CHL1: variants seen among roughly 807,000 people sequenced by gnomAD.
CHL1 encodes cell adhesion molecule L1 like, also known as neural cell adhesion molecule L1-like protein.
Under a neutral mutation model 141.9 loss-of-function variants are expected in CHL1, and 96 were observed. That is an observed-to-expected ratio of 0.68 (90% confidence interval 0.57 to 0.80). The LOEUF (loss-of-function observed/expected upper bound fraction) is 0.80, where lower values mean the gene tolerates loss of function less well. CHL1 is among the 30% of genes least tolerant of loss of function. CHL1 has a pLI of 0.00. For missense variants in CHL1, 1,820 were observed against 1,457.2 expected (o/e 1.25, Z -4.05); for synonymous variants, 613 against 502.2 (o/e 1.22, Z -2.95).
At chr3:327,082 G>A (rs1559259718) in intron 4 of CHL1, among the ~76,000 whole-genome samples, 1 of 151,700 alleles carries the variant, frequency 6.6e-6, no homozygotes, top group South Asian at 2.1e-4. Context: ...ATGTCAAAAG[G>A]TAATACCATA....
intron 5 of CHL1, among the ~76,000 whole-genome samples, chr3:332,415 T>TG (rs1334726691): frequency 2.0e-5 from 3 of 152,008 alleles, no homozygotes; most frequent in Admixed American, 6.6e-5. Context: ...AATTGGAAAA[T>TG]GGAAGTGGGG....
intron 1 of CHL1, among the ~76,000 whole-genome samples, chr3:209,402 G>A (rs952707997): frequency 6.6e-6 from 1 of 152,110 alleles, no homozygotes; most frequent in Admixed American, 6.5e-5. Flanking sequence ...GACTATATGG[G>A]TGATCTTGAG....
At chr3:383,954 C>CATTGTAGT in intron 19 of CHL1, 68 bp downstream of exon 19, 8 of 1,009,776 alleles carry the variant, frequency 7.9e-6, no homozygotes, top group Non-Finnish European at 1.2e-5. Context: ...TGCATGCTAA[C>CATTGTAGT]TACAATGATA....
intron 15 of CHL1, among the ~76,000 whole-genome samples, chr3:376,087 G>A (rs1410572467): frequency 6.6e-6 from 1 of 152,194 alleles, no homozygotes; most frequent in Non-Finnish European, 1.5e-5. Context: ...GAGGTTTTTA[G>A]CTTCTTCTAA....
intron 2 of CHL1, among the ~76,000 whole-genome samples, chr3:258,531 C>G (rs1361993511): frequency 3.9e-5 from 6 of 152,218 alleles, no homozygotes; most frequent in Non-Finnish European, 8.8e-5. Flanking sequence ...AAACCCTGTT[C>G]TATTACTTTC....
chr3:405,426 G>C (rs1366833423), intron 27 of CHL1, 69 bp from the exon 28 acceptor site: 4 of 1,031,566 alleles, frequency 3.9e-6, no homozygotes, highest in Non-Finnish European at 6.0e-6. Context: ...TATCACTTAT[G>C]ACTGTGTTGC....
chr3:341,368 T>G (rs1355761490), intron 6 of CHL1, among the ~76,000 whole-genome samples: 1 of 152,172 alleles, frequency 6.6e-6, no homozygotes, highest in Non-Finnish European at 1.5e-5. Context: ...AAAAATGCTA[T>G]TTGCACAGCA....
Position 394,871 on chromosome 3 carries a change from G to A in CHL1, c.3093G>A (p.Gly1031=). The A allele has an allele frequency of 6.2e-7, 1 of 1,606,164 alleles. No homozygotes were observed. The highest frequency in any genetic ancestry group is 8.5e-7 in the Non-Finnish European group (1 of 1,177,596). The change falls in exon 24 of 28, where the codon GGG becomes GGA. Residue 1031 remains glycine, a splice_region_variant and synonymous_variant. Transcript: ENST00000256509. ...AGGAAAGCTCCACCTTAGGAGAAGG[G>A]AGTAAGTACATGAGGCTTCTCTTTT... ...ITEESSTLGE[G]SKGIGKISGV... is the part of the protein sequence containing the mutation.
intron 2 of CHL1, among the ~76,000 whole-genome samples, chr3:256,741 G>A (rs1694211331): frequency 6.6e-6 from 1 of 152,204 alleles, no homozygotes; most frequent in South Asian, 2.1e-4. Context: ...AACGAGGGGA[G>A]GATTCATATG....
At chr3:249,680 A>G (rs528719519) in intron 2 of CHL1, among the ~76,000 whole-genome samples, 5 of 152,288 alleles carry the variant, frequency 3.3e-5, no homozygotes, top group African/African-American at 1.2e-4. Context: ...TCACAGTTGC[A>G]AACAGCAGGT....
chr3:306,196 G>C (rs1199110787), intron 2 of CHL1, among the ~76,000 whole-genome samples: 1 of 152,174 alleles, frequency 6.6e-6, no homozygotes, highest in Non-Finnish European at 1.5e-5. Flanking sequence ...CGATCAATCA[G>C]TGTTGACAGC....
chr3:365,986 G>T lies in CHL1; in HGVS notation c.1622G>T (p.Arg541Leu), dbSNP rs201091482. ...CTTAGAGTTTCTCCTAAGAATCCTC[G>T]TATCCCCAAATTGCATATGCTTGAA... is the stretch of plus-strand genomic sequence containing the variant. ...TKLRVSPKNP[R>L]IPKLHMLELH... Residue 541 changes from arginine (R) to leucine (L), a missense_variant, in exon 15 of 28, where the codon CGT becomes CTT. Arg to Leu is a moderately radical substitution (Grantham distance 102). Transcript: ENST00000256509. 1.9e-6 allele frequency: 3 copies of T among 1,613,402 alleles called. No homozygotes were observed. Among genetic ancestry groups the T allele is most frequent in the Non-Finnish European group, 2.5e-6 (3 of 1,179,596 alleles).
At chr3:248,561 C>T (rs528088719) in intron 2 of CHL1, 1 of 152,054 alleles carries the variant, frequency 6.6e-6, no homozygotes. Flanking sequence ...ATGAGACTGT[C>T]ACTGCAATCA....
rs1406264557 is a variant in CHL1 at position 406,605 on chromosome 3, G to C, written c.*894G>C. Reference sequence around the variant, plus strand: ...CTTGCATATATTTCATGAATACATTGTACATATTATGTTAATATTTACACA... The same window carrying C: ...CTTGCATATATTTCATGAATACATTCTACATATTATGTTAATATTTACACA... On this transcript the variant is annotated 3_prime_UTR_variant, in exon 28 of 28. Coordinates refer to ENST00000256509, the MANE Select transcript of CHL1 (RefSeq NM_006614.4). The C allele has an allele frequency of 1.3e-5, 2 of 151,766 alleles. No homozygotes were observed. Among genetic ancestry groups the C allele is most frequent in the African/African-American group, 4.8e-5 (2 of 41,308 alleles). 9.4% of individuals were successfully genotyped at this position (151,766 alleles called of 1,614,324 possible). A position where few individuals can be genotyped will look rare whatever the true frequency, so the allele number is the denominator to read the frequency against.
intron 1 of CHL1, among the ~76,000 whole-genome samples, chr3:242,933 T>A (rs1180226313): frequency 6.6e-6 from 1 of 152,180 alleles, no homozygotes. Context: ...TGATCTCTGT[T>A]GTCATGAATG....
chr3:223,788 T>A (rs1701078394), intron 1 of CHL1, among the ~76,000 whole-genome samples: 1 of 152,088 alleles, frequency 6.6e-6, no homozygotes, highest in Admixed American at 6.5e-5. Flanking sequence ...GATAGTTTGG[T>A]AGGCAGGGGG....
chr3:205,131 C>G (rs532758203), intron 1 of CHL1, among the ~76,000 whole-genome samples: 3 of 123,560 alleles, frequency 2.4e-5, no homozygotes, highest in Non-Finnish European at 4.8e-5. Flanking sequence ...GAGATAGGGT[C>G]TGGCTCTGTT....
intron 2 of CHL1, chr3:308,614 ATATGT>A (rs1253751329): frequency 6.7e-6 from 1 of 149,726 alleles, no homozygotes; most frequent in African/African-American, 2.4e-5. Flanking sequence ...TAGAACATAT[ATATGT>A]TATAATAATA....
chr3:394,968 T>G (rs1708550586), intron 24 of CHL1, 96 bp downstream of exon 24: 2 of 1,030,276 alleles, frequency 1.9e-6, no homozygotes, highest in South Asian at 3.9e-5. Context: ...GTGCCAGTCA[T>G]TGTAAATTAG....
Sources: gnomAD v4.1 joint callset for allele counts (sites outside exome capture counted in the v4.1 genomes callset) on GRCh38, gnomAD v4.1.1 for gene constraint, MANE v1.5 for transcripts, NCBI Gene and HGNC (gene_info 2026-07-23, HGNC 2026-07-21) for gene names.